Variants in MARCHF6 observed in about 807,000 individuals in gnomAD.
The protein encoded by MARCHF6 is membrane associated ring-CH-type finger 6, also known as E3 ubiquitin-protein ligase MARCHF6.
A neutral mutation model predicts 133.7 loss-of-function variants in MARCHF6; 31 were observed. The observed-to-expected ratio is 0.23, with a 90% CI of 0.17 to 0.31. The LOEUF is 0.31. MARCHF6 is among the 10% of genes least tolerant of loss of function. The pLI, the probability that MARCHF6 is intolerant of heterozygous loss-of-function variation, is 1.00. For synonymous variants in MARCHF6, 395 were observed against 402.5 expected (o/e 0.98, Z 0.22); for missense variants, 723 against 1,121.6 (o/e 0.64, Z 5.08).
intron 4 of MARCHF6, among the ~76,000 whole-genome samples, chr5:10,385,008 TAGC>T (rs1447041216): frequency 2.0e-5 from 3 of 152,234 alleles, no homozygotes; most frequent in Non-Finnish European, 4.4e-5. Context: ...GAATACTACA[TAGC>T]AGTGAAAAAA....
chr5:10,390,071 A>G (rs1250021112), intron 5 of MARCHF6, among the ~76,000 whole-genome samples: 1 of 152,140 alleles, frequency 6.6e-6, no homozygotes, highest in African/African-American at 2.4e-5. Context: ...ATTTCCATAT[A>G]GTTCTGATGG....
Position 10,417,396 on chromosome 5 carries a change from C to G in MARCHF6, c.2275C>G (p.Pro759Ala), listed in dbSNP as rs752391927. 1.2e-6 allele frequency: 2 copies of G among 1,613,494 alleles called. No homozygotes were observed. The highest frequency in any genetic ancestry group is 8.5e-7 in the Non-Finnish European group (1 of 1,179,890). Residue 759 changes from proline to alanine, a missense_variant, in exon 22 of 26, where the codon CCA becomes GCA. Transcript: ENST00000274140. ...CTTGGATCAGACTCCTCTTTTTTAT[C>G]CATGGCAGGTAAATGTATGTCTTTT... ...VPLDQTPLFY[P>A]WQDWALGVLH...
Position 10,410,511 on chromosome 5 carries a change from G to C in MARCHF6, c.1691+235G>C, listed in dbSNP as rs190071187. ...TGCCCTCTTATAGAAGTTTGCTGCT[G>C]GTCCAGCTTTCATGGAGTAAATGTC... On this transcript the variant is annotated intron_variant, in intron 18 of 25. Coordinates refer to ENST00000274140, the MANE Select transcript of MARCHF6 (RefSeq NM_005885.4). 2.5e-3 allele frequency among the ~76,000 whole-genome samples: 378 copies of C among 151,092 alleles called. 3 individuals are homozygous for C. Among genetic ancestry groups the C allele is most frequent in the African/African-American group, 8.8e-3 (362 of 41,232 alleles).
chr5:10,383,102 T>C, intron 4 of MARCHF6, among the ~76,000 whole-genome samples: 1 of 152,218 alleles, frequency 6.6e-6, no homozygotes, highest in East Asian at 1.9e-4. Context: ...CCTTAAAATA[T>C]GATAAAATAA....
chr5:10,360,703 T>G (rs1271685663), intron 1 of MARCHF6, among the ~76,000 whole-genome samples: 1 of 152,232 alleles, frequency 6.6e-6, no homozygotes, highest in Non-Finnish European at 1.5e-5. Context: ...TGGCTCATCT[T>G]GGGTCAGTTG....
In MARCHF6 at chr5:10,429,835, C is replaced by T. The variant is rs988012422; in HGVS notation, c.2507-58C>T. 1.3e-5 allele frequency: 19 copies of T among 1,438,120 alleles called. No individual in the cohort carries two copies. The Admixed American group carries it at 1.7e-4, about 13-fold the overall frequency. 89.1% of individuals were successfully genotyped at this position (1,438,120 alleles called of 1,614,324 possible). A position where few individuals can be genotyped will look rare whatever the true frequency, so the allele number is the denominator to read the frequency against. On this transcript the variant is annotated intron_variant, in intron 24 of 25. Coordinates refer to ENST00000274140, the MANE Select transcript of MARCHF6 (RefSeq NM_005885.4). ...TTCTTCTAGGGGAAGGACATGTTTA[C>T]GTTTCATGTCACTGTTATTTCACAT...
At chr5:10,402,736 C>A in intron 14 of MARCHF6, 129 bp downstream of exon 14, 2 of 851,170 alleles carry the variant, frequency 2.3e-6, no homozygotes, top group Non-Finnish European at 3.8e-6. Context: ...GCATGTGTAT[C>A]AGTATAGGAT....
intron 6 of MARCHF6, among the ~76,000 whole-genome samples, chr5:10,391,247 C>T (rs1299642305): frequency 6.6e-6 from 1 of 152,050 alleles, no homozygotes; most frequent in African/African-American, 2.4e-5. Context: ...GATCCTCCTT[C>T]CTCAGCCTCC....
intron 10 of MARCHF6, 147 bp downstream of exon 10, chr5:10,397,491 A>G (rs990163580): frequency 7.2e-6 from 4 of 553,192 alleles, no homozygotes; most frequent in Non-Finnish European, 1.2e-5. Flanking sequence ...CAAACCCTGT[A>G]TAGATAGGCC....
chr5:10,401,904 C>T (rs1486401718), intron 11 of MARCHF6, 155 bp from the exon 12 acceptor site: 1 of 594,478 alleles, frequency 1.7e-6, no homozygotes, highest in Non-Finnish European at 3.0e-6. Flanking sequence ...ATTTGGTTTT[C>T]AGAGATGTCA....
At chr5:10,358,680 GAAA>G (rs897609063) in intron 1 of MARCHF6, among the ~76,000 whole-genome samples, 1 of 151,926 alleles carries the variant, frequency 6.6e-6, no homozygotes, top group Non-Finnish European at 1.5e-5. Context: ...TAAATATATT[GAAA>G]AAAATTTTGG....
chr5:10,402,627 TTGTA>T lies in MARCHF6; in HGVS notation c.1197+22_1197+25del, dbSNP rs756274038. The T allele has an allele frequency of 1.3e-6, 2 of 1,584,184 alleles. No homozygotes were observed. The highest frequency in any genetic ancestry group is 1.7e-5 in the Admixed American group (1 of 59,942). On this transcript the variant is annotated intron_variant, in intron 14 of 25. Coordinates refer to ENST00000274140, the MANE Select transcript of MARCHF6 (RefSeq NM_005885.4). ...TCCTTGGTAAGTTGAGTATTCATTA[TTGTA>T]TAATAGCATAATTTAAGGGCTTCAA...
chr5:10,381,654 T>C (rs530218872), intron 3 of MARCHF6, 146 bp from the exon 4 acceptor site: 4 of 612,200 alleles, frequency 6.5e-6, no homozygotes, highest in Non-Finnish European at 1.1e-5. Flanking sequence ...TGTGATATTA[T>C]AACTATTTGG....
rs760107187 is a variant in MARCHF6 at position 10,397,361 on chromosome 5, C to CTT, written c.913+27_913+28dup. 238 of 1,234,634 alleles carry CTT rather than the reference C, an allele frequency of 1.9e-4. No homozygotes were observed. Among genetic ancestry groups the CTT allele is most frequent in the South Asian group, 3.3e-4 (21 of 63,770 alleles). The allele number at this position is 1,234,634 out of a possible 1,614,324, so 76.5% of individuals were successfully genotyped here. A position where few individuals can be genotyped will look rare whatever the true frequency, so the allele number is the denominator to read the frequency against. On this transcript the variant is annotated intron_variant, in intron 10 of 25. Transcript: ENST00000274140. ...TTGTTTTTGGTAAGTTGTGTTTGTGCTTTTTTTTTTTATAGTATTATGGTA... is the reference window on the plus strand; with the variant it reads ...TTGTTTTTGGTAAGTTGTGTTTGTGCTTTTTTTTTTTTTATAGTATTATGGTA...
chr5:10,397,059 T>G (rs1662412678), intron 9 of MARCHF6, among the ~76,000 whole-genome samples: 4 of 152,228 alleles, frequency 2.6e-5, no homozygotes, highest in Admixed American at 2.0e-4. Context: ...TATAAATGAA[T>G]TTGTTTTTTG....
At chr5:10,380,653 C>T (rs1160460294) in intron 3 of MARCHF6, among the ~76,000 whole-genome samples, 1 of 152,172 alleles carries the variant, frequency 6.6e-6, no homozygotes, top group African/African-American at 2.4e-5. Context: ...TGGCCAGGTG[C>T]TGTGGCTCAC....
chr5:10,356,942 T>G (rs1369213323), intron 1 of MARCHF6, among the ~76,000 whole-genome samples: 1 of 152,210 alleles, frequency 6.6e-6, no homozygotes, highest in African/African-American at 2.4e-5. Context: ...TAAAGTTTCT[T>G]CAGTATTAAA....
At chr5:10,420,623 T>G (rs1220632466) in intron 22 of MARCHF6, among the ~76,000 whole-genome samples, 2 of 152,206 alleles carry the variant, frequency 1.3e-5, no homozygotes, top group African/African-American at 4.8e-5. Flanking sequence ...GTTCTCCTGT[T>G]GGACATAAAC....
chr5:10,354,335 C>A (rs542012326), intron 1 of MARCHF6, among the ~76,000 whole-genome samples: 3 of 152,206 alleles, frequency 2.0e-5, no homozygotes, highest in African/African-American at 7.2e-5. Flanking sequence ...GGCCCTACCC[C>A]CTCGCGACAG....
Sources: gnomAD v4.1 joint callset for allele counts (sites outside exome capture counted in the v4.1 genomes callset) on GRCh38, gnomAD v4.1.1 for gene constraint, MANE v1.5 for transcripts, NCBI Gene and HGNC (gene_info 2026-07-23, HGNC 2026-07-21) for gene names.